The following WLS variants were observed in gnomAD, a reference collection of about 807,000 sequenced individuals.
The protein encoded by WLS is Wnt ligand secretion mediator.
In WLS, 23 loss-of-function variants were observed where a neutral mutation model predicts 62.8. The ratio of observed to expected loss-of-function variants is 0.37; its 90% CI spans 0.26 to 0.52. The LOEUF (loss-of-function observed/expected upper bound fraction) is 0.52, where lower values mean the gene tolerates loss of function less well. Ranked by LOEUF, WLS falls within the 20% of genes least tolerant of loss-of-function variation. The pLI is 0.92. For missense variants in WLS, 615 were observed against 697.3 expected (o/e 0.88, Z 1.33); for synonymous variants, 246 against 244.1 (o/e 1.01, Z -0.07).
chr1:68,117,369 TA>T (rs1472499895), intron 11 of WLS: 1 of 152,192 alleles, frequency 6.6e-6, no homozygotes, highest in Non-Finnish European at 1.5e-5. Flanking sequence ...ACACAGCAAT[TA>T]GGGGTAACGT....
intron 2 of WLS, among the ~76,000 whole-genome samples, chr1:68,160,537 TAG>T (rs1427431036): frequency 6.6e-6 from 1 of 152,206 alleles, no homozygotes; most frequent in East Asian, 1.9e-4. Context: ...ACATCTCAAG[TAG>T]AGAACTTTTA....
At chr1:68,113,399 C>T (rs889986982) in intron 11 of WLS, among the ~76,000 whole-genome samples, 2 of 152,212 alleles carry the variant, frequency 1.3e-5, no homozygotes, top group African/African-American at 4.8e-5. Context: ...TAGTAATCTA[C>T]TCATTCCCCA....
chr1:68,199,350 T>C (rs979488216), intron 1 of WLS, among the ~76,000 whole-genome samples: 3 of 152,160 alleles, frequency 2.0e-5, no homozygotes, highest in African/African-American at 7.2e-5. Flanking sequence ...TGGAAATTTC[T>C]TTGACAGAGG....
In WLS at chr1:68,232,490, C is replaced by T. The variant is rs1650477758; in HGVS notation, c.-191G>A. On this transcript the variant is annotated 5_prime_UTR_variant, in exon 1 of 12. Transcript: ENST00000262348. ...GCACGGATTCCCCCGGCGCAGCCGG[C>T]TCGGGTTCCCCCAATGCCCGGAGCT... 22 of 1,234,790 alleles carry T rather than the reference C, an allele frequency of 1.8e-5. No individual in the cohort carries two copies. The highest frequency in any genetic ancestry group is 2.3e-5 in the Non-Finnish European group (22 of 942,790). The allele number at this position is 1,234,790 out of a possible 1,614,324, so 76.5% of individuals were successfully genotyped here. A position where few individuals can be genotyped will look rare whatever the true frequency, so the allele number is the denominator to read the frequency against.
At chr1:68,099,001 A>G (rs1646043343) in intron 11 of WLS, among the ~76,000 whole-genome samples, 1 of 152,014 alleles carries the variant, frequency 6.6e-6, no homozygotes, top group South Asian at 2.1e-4. Context: ...CTCCACATTC[A>G]ACAAATTTTC....
chr1:68,104,867 C>A (rs1646124016), intron 11 of WLS, among the ~76,000 whole-genome samples: 1 of 152,190 alleles, frequency 6.6e-6, no homozygotes, highest in Admixed American at 6.5e-5. Flanking sequence ...ATGCAGGTAG[C>A]CATGATCGTG....
At chr1:68,150,100 T>C (rs1646805685) in intron 6 of WLS, 88 bp downstream of exon 6, 1 of 1,415,122 alleles carries the variant, frequency 7.1e-7, no homozygotes, top group African/African-American at 1.4e-5. Context: ...CACCCACTGC[T>C]GACTAGAGGC....
downstream of WLS, among the ~76,000 whole-genome samples, chr1:68,120,757 T>C (rs143668561): frequency 3.9e-5 from 6 of 152,126 alleles, no homozygotes; most frequent in African/African-American, 1.4e-4. Flanking sequence ...GGAGAGAGCT[T>C]GATAAAGGAG....
At chr1:68,224,727 A>G (rs1650072726) in intron 1 of WLS, among the ~76,000 whole-genome samples, 1 of 152,118 alleles carries the variant, frequency 6.6e-6, no homozygotes, top group Non-Finnish European at 1.5e-5. Context: ...GTAACCATGC[A>G]GTGATATGAG....
At chr1:68,171,510 G>A (rs1466179650) in intron 2 of WLS, among the ~76,000 whole-genome samples, 1 of 152,138 alleles carries the variant, frequency 6.6e-6, no homozygotes. Context: ...TGAAGGATAT[G>A]AACAGCCACT....
At chr1:68,198,016 T>C (rs1648771865) in intron 1 of WLS, among the ~76,000 whole-genome samples, 1 of 152,206 alleles carries the variant, frequency 6.6e-6, no homozygotes, top group Admixed American at 6.5e-5. Context: ...AACTGAGTCA[T>C]GTTTGCTCAG....
At chr1:68,147,640 C>A (rs189819323) in intron 8 of WLS, among the ~76,000 whole-genome samples, 15 of 152,332 alleles carry the variant, frequency 9.8e-5, no homozygotes, top group African/African-American at 3.4e-4. Flanking sequence ...CAACCAGAAG[C>A]CTTGGCGACT....
intron 2 of WLS, among the ~76,000 whole-genome samples, chr1:68,176,067 C>A (rs569126948): frequency 3.3e-4 from 51 of 152,286 alleles, no homozygotes; most frequent in African/African-American, 1.2e-3. Context: ...GGAGGGGATA[C>A]AAATGAGAGC....
chr1:68,099,350 G>A (rs1296100563), intron 11 of WLS, among the ~76,000 whole-genome samples: 1 of 152,178 alleles, frequency 6.6e-6, no homozygotes, highest in East Asian at 1.9e-4. Context: ...GCTGAGCCTA[G>A]TATCTAAAAC....
chr1:68,178,228 T>C (rs567278294), intron 2 of WLS, among the ~76,000 whole-genome samples: 1 of 152,236 alleles, frequency 6.6e-6, no homozygotes, highest in Non-Finnish European at 1.5e-5. Flanking sequence ...TCCCCTTCTA[T>C]GTTTATGGAC....
intron 3 of WLS, among the ~76,000 whole-genome samples, chr1:68,158,134 A>G (rs546512005): frequency 6.6e-5 from 10 of 152,298 alleles, no homozygotes; most frequent in Non-Finnish European, 1.5e-4. Flanking sequence ...AGAGTTTAAT[A>G]AACTGAAGGC....
intron 1 of WLS, among the ~76,000 whole-genome samples, chr1:68,194,603 C>A (rs555092692): frequency 1.3e-5 from 2 of 152,190 alleles, no homozygotes; most frequent in Admixed American, 6.5e-5. Context: ...GTCAGAAGAC[C>A]TTAGTCTTCA....
intron 7 of WLS, 127 bp from the exon 8 acceptor site, chr1:68,148,326 CA>C: frequency 1.9e-6 from 2 of 1,052,050 alleles, no homozygotes; most frequent in Middle Eastern, 2.1e-4. Flanking sequence ...AAAAACATTA[CA>C]GAAATCCTAA....
intron 2 of WLS, among the ~76,000 whole-genome samples, chr1:68,170,864 G>A (rs1647143093): frequency 1.3e-5 from 2 of 152,020 alleles, no homozygotes; most frequent in Admixed American, 1.3e-4. Context: ...GACTGACTCA[G>A]TCTTGTTCAC....
Sources: gnomAD v4.1 joint callset for allele counts (sites outside exome capture counted in the v4.1 genomes callset) on GRCh38, gnomAD v4.1.1 for gene constraint, MANE v1.5 for transcripts, NCBI Gene and HGNC (gene_info 2026-07-23, HGNC 2026-07-21) for gene names.